Variants in HECW1 observed in about 807,000 individuals in gnomAD.
The protein encoded by HECW1 is E3 ubiquitin-protein ligase HECW1.
Under a neutral mutation model 182.3 loss-of-function variants are expected in HECW1, and 61 were observed. The ratio of observed to expected loss-of-function variants is 0.33; its 90% confidence interval spans 0.27 to 0.41. The LOEUF (loss-of-function observed/expected upper bound fraction) is 0.41, where lower values mean the gene tolerates loss of function less well. Among genes scored for constraint, HECW1 ranks in the 10% least tolerant of loss-of-function variants. The probability of loss-of-function intolerance (pLI) is 1.00; values close to 1 mark genes in which losing one functional copy is unlikely to be tolerated. For synonymous variants in HECW1, 859 were observed against 832.6 expected (o/e 1.03, Z -0.55); for missense variants, 1,739 against 2,108.9 (o/e 0.82, Z 3.44).
intron 19 of HECW1, among the ~76,000 whole-genome samples, chr7:43,499,495 GAAAACA>G (rs1247849019): frequency 1.4e-5 from 2 of 144,110 alleles, no homozygotes; most frequent in Non-Finnish European, 3.1e-5. Context: ...AAGAAAGAAA[GAAAACA>G]AAAGAAAAGA....
chr7:43,263,580 T>G (rs981352584), intron 3 of HECW1, among the ~76,000 whole-genome samples: 6 of 152,124 alleles, frequency 3.9e-5, no homozygotes, highest in Non-Finnish European at 7.4e-5. Flanking sequence ...AGGCTGGTCT[T>G]GAACTCCTGA....
intron 3 of HECW1, among the ~76,000 whole-genome samples, 161 bp downstream of exon 3, chr7:43,244,093 C>T (rs1406760757): frequency 1.3e-5 from 2 of 152,124 alleles, no homozygotes; most frequent in African/African-American, 4.8e-5. Flanking sequence ...ACCCTCCCTC[C>T]CCACCACCTG....
At chr7:43,348,871 G>A (rs1814024999) in intron 5 of HECW1, among the ~76,000 whole-genome samples, 1 of 152,138 alleles carries the variant, frequency 6.6e-6, no homozygotes, top group Non-Finnish European at 1.5e-5. Flanking sequence ...TGGTCTGAGA[G>A]AGTGCTTGAT....
intron 2 of HECW1, among the ~76,000 whole-genome samples, chr7:43,178,795 G>T (rs146113861): frequency 1.3e-5 from 2 of 152,312 alleles, no homozygotes; most frequent in East Asian, 3.9e-4. Context: ...CCGCTGTGGC[G>T]TTCCTCAACT....
chr7:43,325,467 G>A (rs193232980), intron 5 of HECW1, among the ~76,000 whole-genome samples: 1 of 152,224 alleles, frequency 6.6e-6, no homozygotes, highest in Admixed American at 6.5e-5. Context: ...CTGAAAAGAA[G>A]GTATCCTGTC....
At chr7:43,317,809 T>TTGTGTG (rs3032881) in intron 4 of HECW1, among the ~76,000 whole-genome samples, 2,028 of 142,578 alleles carry the variant, frequency 0.014, 24 homozygotes, top group East Asian at 0.063. Context: ...TTTCTCATTA[T>TTGTGTG]TGTGTGTGTG....
At chr7:43,307,877 T>TATATATATATATATATACAC (rs1562811798) in intron 3 of HECW1, among the ~76,000 whole-genome samples, 12 of 2,872 alleles carry the variant, frequency 4.2e-3, no homozygotes, top group Middle Eastern at 0.25. Flanking sequence ...ATCATTTCAC[T>TATATATATATATATATACAC]ATATATATAT....
At chr7:43,177,004 A>G (rs1475964782) in intron 2 of HECW1, among the ~76,000 whole-genome samples, 1 of 152,138 alleles carries the variant, frequency 6.6e-6, no homozygotes, top group African/African-American at 2.4e-5. Flanking sequence ...CATTATAACA[A>G]GCTCTCTGGC....
chr7:43,368,925 T>A (rs28657828), intron 6 of HECW1, among the ~76,000 whole-genome samples: 3,806 of 152,122 alleles, frequency 0.025, 156 homozygotes, highest in African/African-American at 0.088. Context: ...TTAGAAAAAA[T>A]TTATGGAAAG....
chr7:43,367,449 A>G, intron 6 of HECW1, among the ~76,000 whole-genome samples: 1 of 152,226 alleles, frequency 6.6e-6, no homozygotes, highest in East Asian at 1.9e-4. Flanking sequence ...CGTCTGAAGA[A>G]GTTATACAGT....
At chr7:43,293,040 C>T (rs951670462) in intron 3 of HECW1, among the ~76,000 whole-genome samples, 25 of 151,880 alleles carry the variant, frequency 1.6e-4, no homozygotes, top group African/African-American at 3.9e-4. Flanking sequence ...CTAGCTAACA[C>T]GGTGAAACCC....
intron 24 of HECW1, among the ~76,000 whole-genome samples, chr7:43,521,279 C>T (rs1320621825): frequency 1.3e-5 from 2 of 152,076 alleles, no homozygotes; most frequent in Non-Finnish European, 2.9e-5. Context: ...AGTGAGTTTG[C>T]CCACTAGGTA....
chr7:43,310,780 G>A (rs914932889), intron 3 of HECW1, among the ~76,000 whole-genome samples: 1 of 152,184 alleles, frequency 6.6e-6, no homozygotes, highest in African/African-American at 2.4e-5. Flanking sequence ...AGAAGTTACA[G>A]TTCCTGGGAT....
intron 2 of HECW1, among the ~76,000 whole-genome samples, chr7:43,217,905 C>T (rs1736963300): frequency 6.6e-6 from 1 of 152,162 alleles, no homozygotes; most frequent in African/African-American, 2.4e-5. Flanking sequence ...TGTTATCTAG[C>T]ACAAGCCTGG....
intron 8 of HECW1, among the ~76,000 whole-genome samples, chr7:43,411,130 A>G (rs983251675): frequency 1.3e-4 from 19 of 151,648 alleles, no homozygotes; most frequent in African/African-American, 4.4e-4. Context: ...TATTTAAGCA[A>G]TAAGTTTTCT....
intron 24 of HECW1, among the ~76,000 whole-genome samples, chr7:43,532,288 A>G (rs2081024193): frequency 6.6e-6 from 1 of 152,092 alleles, no homozygotes; most frequent in Non-Finnish European, 1.5e-5. Flanking sequence ...CACCCCCAGT[A>G]TAAGCCACCA....
rs1386359896 is a variant in HECW1 at position 43,374,573 on chromosome 7, G to GAAATATAATA, written c.555+13594_555+13595insAATATAATAA. Among the ~76,000 whole-genome samples the GAAATATAATA allele has an allele frequency of 1.5e-4, 14 of 94,002 alleles. 2 individuals carry two copies. Among genetic ancestry groups the GAAATATAATA allele is most frequent in the Non-Finnish European group, 1.7e-4 (8 of 46,766 alleles). The allele number at this position is 94,002 out of a possible 152,430, so 61.7% of individuals were successfully genotyped here. ...GCGGATCACGAGGTCAGGAGATCGA[G>GAAATATAATA]ACCATCCCGGCTAAAACGGTGAAAC... On this transcript the variant is annotated intron_variant, in intron 6 of 29. Coordinates refer to ENST00000395891, the MANE Select transcript of HECW1 (RefSeq NM_015052.5).
intron 2 of HECW1, among the ~76,000 whole-genome samples, chr7:43,226,895 C>T (rs1412884199): frequency 1.3e-5 from 2 of 152,240 alleles, no homozygotes; most frequent in Non-Finnish European, 2.9e-5. Context: ...CTCCAGAACA[C>T]AGGATGGGGG....
chr7:43,457,993 C>T (rs889325794), intron 13 of HECW1, among the ~76,000 whole-genome samples: 4 of 152,202 alleles, frequency 2.6e-5, no homozygotes, highest in African/African-American at 9.6e-5. Flanking sequence ...TGGCAGCACA[C>T]TTTACAATCA....
Sources: gnomAD v4.1 joint callset for allele counts (sites outside exome capture counted in the v4.1 genomes callset) on GRCh38, gnomAD v4.1.1 for gene constraint, MANE v1.5 for transcripts, NCBI Gene and HGNC (gene_info 2026-07-23, HGNC 2026-07-21) for gene names.